The following RUNDC3B variants were observed in gnomAD, a reference collection of about 807,000 sequenced individuals.
RUNDC3B encodes the protein RUN domain-containing protein 3B.
RUNDC3B carries 33 observed loss-of-function variants against 58.4 expected under a neutral mutation model. The ratio of observed to expected loss-of-function variants is 0.56; its 90% CI spans 0.43 to 0.75. The LOEUF (loss-of-function observed/expected upper bound fraction) is 0.75. Ranked by LOEUF, RUNDC3B falls within the 30% of genes least tolerant of loss-of-function variation. The pLI, the probability that RUNDC3B is intolerant of heterozygous loss-of-function variation, is 0.00. For synonymous variants in RUNDC3B, 193 were observed against 195.2 expected, an observed-to-expected ratio of 0.99 and a Z score of 0.10; for missense variants, 501 against 535.7, an observed-to-expected ratio of 0.94 and a Z score of 0.64.
intron 7 of RUNDC3B, among the ~76,000 whole-genome samples, chr7:87,776,102 A>G (rs1243070600): frequency 1.3e-5 from 2 of 152,202 alleles, no homozygotes; most frequent in Non-Finnish European, 2.9e-5. Context: ...TGATTAGTAT[A>G]AAACCAATAG....
intron 8 of RUNDC3B, among the ~76,000 whole-genome samples, chr7:87,785,580 T>A (rs1462134256): frequency 2.6e-5 from 4 of 152,188 alleles, no homozygotes; most frequent in African/African-American, 7.2e-5. Flanking sequence ...GGCTGTGCTC[T>A]GTGCACCCTC....
Position 87,819,038 on chromosome 7 carries a change from C to T in RUNDC3B, c.1225+2776C>T, listed in dbSNP as rs147512250. Among the ~76,000 whole-genome samples the T allele has an allele frequency of 6.6e-5, 10 of 152,216 alleles. No homozygotes were observed. In the East Asian group the frequency reaches 1.7e-3, roughly 26 times the overall value. On this transcript the variant is annotated intron_variant, in intron 10 of 10. Coordinates refer to ENST00000394654, the MANE Select transcript of RUNDC3B (RefSeq NM_001134405.2). ...TGTCCCTTGCAGACCCCTGACCCAG[C>T]GACAGATGCATAAAGTACACAGACA...
At chr7:87,785,471 C>T (rs1835161499) in intron 8 of RUNDC3B, among the ~76,000 whole-genome samples, 1 of 152,204 alleles carries the variant, frequency 6.6e-6, no homozygotes, top group African/African-American at 2.4e-5. Context: ...ACTGGGCCTG[C>T]AGCTTTGTCC....
chr7:87,633,527 T>G (rs766185460), intron 1 of RUNDC3B, among the ~76,000 whole-genome samples: 2 of 152,232 alleles, frequency 1.3e-5, no homozygotes, highest in Non-Finnish European at 2.9e-5. Flanking sequence ...ATCCTTCTGT[T>G]TCTTCCTACC....
intron 10 of RUNDC3B, among the ~76,000 whole-genome samples, chr7:87,822,383 AAAC>A (rs1444427194): frequency 6.6e-6 from 1 of 152,162 alleles, no homozygotes; most frequent in East Asian, 1.9e-4. Context: ...AAAAGTCAGG[AAAC>A]AACAGGTGCT....
rs1259795575 is a variant in RUNDC3B, at chr7:87,727,031, A to G, written c.459-12760A>G. ...CTAAATATACAATCATGTCATCTGC[A>G]AACAGGGACAATTTGATTTCCTCTT... is the stretch of plus-strand genomic sequence containing the variant. On this transcript the variant is annotated intron_variant, in intron 4 of 10. Transcript: ENST00000394654. Among the ~76,000 whole-genome samples the G allele has an allele frequency of 2.6e-5, 4 of 152,300 alleles. No homozygotes were observed. In the East Asian group the frequency reaches 7.7e-4, roughly 29 times the overall value.
At position 87,741,568 on chromosome 7, in the gene RUNDC3B, G is replaced by T. The variant is rs1413183757; in HGVS notation, c.618G>T (p.Lys206Asn). 1.3e-6 allele frequency: 2 copies of T among 1,565,460 alleles called. No individual in the cohort carries two copies. Among genetic ancestry groups the T allele is most frequent in the Admixed American group, 1.7e-5 (1 of 58,182 alleles). ...PAVIDYTPYL[K>N]YIQSSDSISS... ...TAATAGACTATACACCATATTTGAAGTATATCCAAAGGTATGTGACATTTT... is the reference window on the plus strand; with the variant it reads ...TAATAGACTATACACCATATTTGAATTATATCCAAAGGTATGTGACATTTT... The change falls in exon 6 of 11, where the codon AAG becomes AAT. Residue 206 changes from lysine to asparagine, a missense_variant. Transcript: ENST00000394654.
At chr7:87,678,467 T>G (rs1585078092) in intron 2 of RUNDC3B, among the ~76,000 whole-genome samples, 1 of 151,968 alleles carries the variant, frequency 6.6e-6, no homozygotes, top group South Asian at 2.1e-4. Flanking sequence ...ATACTAAGAG[T>G]TTTTAGCCAA....
At chr7:87,755,092 G>A (rs1226416737) in intron 6 of RUNDC3B, among the ~76,000 whole-genome samples, 4 of 150,724 alleles carry the variant, frequency 2.7e-5, no homozygotes, top group Non-Finnish European at 5.9e-5. Flanking sequence ...CAATGATCTC[G>A]GCTCACTGCA....
In RUNDC3B at chr7:87,831,652, C is replaced by G. The variant is rs1283049790; in HGVS notation, c.*1622C>G. The G allele has an allele frequency of 6.6e-6, 1 of 151,736 alleles. No individual in the cohort carries two copies. Among genetic ancestry groups the G allele is most frequent in the Non-Finnish European group, 1.5e-5 (1 of 67,852 alleles). The allele number at this position is 151,736 out of a possible 1,614,324, so 9.4% of individuals were successfully genotyped here. A position where few individuals can be genotyped will look rare whatever the true frequency, so the allele number is the denominator to read the frequency against. On this transcript the variant is annotated 3_prime_UTR_variant, in exon 11 of 11. Coordinates refer to ENST00000394654, the MANE Select transcript of RUNDC3B (RefSeq NM_001134405.2). ...ACATACCTGATTATGAGTGAAGTATCCAAAGCAGGTTTTCATCAGCATGGG... is the reference window on the plus strand; with the variant it reads ...ACATACCTGATTATGAGTGAAGTATGCAAAGCAGGTTTTCATCAGCATGGG...
At position 87,695,280 on chromosome 7, in the gene RUNDC3B, A is replaced by G. The variant is rs144398202; in HGVS notation, c.239-5141A>G. On this transcript the variant is annotated intron_variant, in intron 2 of 10. Transcript: ENST00000394654. ...GTCTAATAAATATAAACCTCAACTA[A>G]TAATAGTACCTTTTTAAAGGAAAAG... 1.3e-4 allele frequency among the ~76,000 whole-genome samples: 20 copies of G among 152,242 alleles called. No individual in the cohort carries two copies. The East Asian group carries it at 3.7e-3, about 28-fold the overall frequency.
chr7:87,675,653 C>CAAAAAA (rs200136132), intron 2 of RUNDC3B, among the ~76,000 whole-genome samples: 746 of 65,690 alleles, frequency 0.011, 4 homozygotes, highest in African/African-American at 0.04. Flanking sequence ...TATTCACATG[C>CAAAAAA]AAAAAAAAAA....
chr7:87,646,819 G>A (rs1179481461), intron 1 of RUNDC3B, among the ~76,000 whole-genome samples: 1 of 152,032 alleles, frequency 6.6e-6, no homozygotes, highest in East Asian at 1.9e-4. Context: ...TTTTAAATCT[G>A]TTTTCTCTTT....
At chr7:87,758,877 G>T (rs1833525724) in intron 6 of RUNDC3B, among the ~76,000 whole-genome samples, 1 of 152,172 alleles carries the variant, frequency 6.6e-6, no homozygotes, top group African/African-American at 2.4e-5. Flanking sequence ...TACACTGCTG[G>T]TGGGAATGTA....
At chr7:87,726,407 T>C (rs191229170) in intron 4 of RUNDC3B, among the ~76,000 whole-genome samples, 108 of 152,322 alleles carry the variant, frequency 7.1e-4, no homozygotes, top group Admixed American at 6.9e-3. Context: ...GTTGTAGATA[T>C]GCGGCATTAT....
chr7:87,823,665 C>T (rs898152216), intron 10 of RUNDC3B, among the ~76,000 whole-genome samples: 9 of 152,008 alleles, frequency 5.9e-5, no homozygotes, highest in African/African-American at 1.2e-4. Context: ...TAAGAAAATA[C>T]GATGTTTGGT....
chr7:87,794,040 T>C (rs902288649), intron 8 of RUNDC3B, among the ~76,000 whole-genome samples: 1 of 152,120 alleles, frequency 6.6e-6, no homozygotes, highest in African/African-American at 2.4e-5. Flanking sequence ...ATGCCAACAA[T>C]GAATTATCTA....
chr7:87,682,387 A>T (rs983490421), intron 2 of RUNDC3B, among the ~76,000 whole-genome samples: 10 of 152,184 alleles, frequency 6.6e-5, no homozygotes, highest in African/African-American at 2.4e-4. Context: ...GAAGATTTTC[A>T]ATTTACTTTG....
Position 87,700,513 on chromosome 7 carries a change from A to C in RUNDC3B, c.331A>C (p.Ser111Arg). 6.2e-7 allele frequency: 1 copy of C among 1,613,484 alleles called. No homozygotes were observed. The highest frequency in any genetic ancestry group is 8.5e-7 in the Non-Finnish European group (1 of 1,179,664). Reference protein sequence around the residue: ...CRKVSQNCICSIENMENVSSS... With the variant: ...CRKVSQNCICRIENMENVSSS... ...GAAAGTTTCACAGAATTGTATCTGC[A>C]GCATTGAAAATATGGAAAATGTCAG... Residue 111 changes from serine (S) to arginine (R), a missense_variant, in exon 3 of 11, where the codon AGC becomes CGC. Transcript: ENST00000394654.
Sources: allele counts gnomAD v4.1 joint callset (sites outside exome capture counted in the v4.1 genomes callset), GRCh38; gene constraint gnomAD v4.1.1; transcripts MANE v1.5; gene names NCBI Gene and HGNC (gene_info 2026-07-23, HGNC 2026-07-21).